Variants in IL1RAPL2 observed in about 807,000 individuals in gnomAD.
IL1RAPL2 encodes X-linked interleukin-1 receptor accessory protein-like 2.
In IL1RAPL2, 3 loss-of-function variants were observed where a neutral mutation model predicts 44.1. The observed-to-expected ratio is 0.07, with a 90% CI of 0.03 to 0.18. The LOEUF (loss-of-function observed/expected upper bound fraction) is 0.18, where lower values mean the gene tolerates loss of function less well. IL1RAPL2 is among the 10% of genes least tolerant of loss of function. IL1RAPL2 has a pLI of 1.00. For synonymous variants in IL1RAPL2, 181 were observed against 178.8 expected, an observed-to-expected ratio of 1.01 and a Z score of -0.10; for missense variants, 391 against 496.4, an observed-to-expected ratio of 0.79 and a Z score of 2.02.
At chrX:105,372,205 G>A (rs2035346417) in intron 5 of IL1RAPL2, among the ~76,000 whole-genome samples, 1 of 110,943 alleles carries the variant, frequency 9.0e-6, no homozygotes, top group South Asian at 3.8e-4. Flanking sequence ...GGAGGCCGAG[G>A]TGGGCAGATC....
chrX:104,900,564 G>A (rs1161403597), intron 2 of IL1RAPL2, among the ~76,000 whole-genome samples: 2 of 111,660 alleles, frequency 1.8e-5, no homozygotes, highest in Non-Finnish European at 3.8e-5. Context: ...TAGGTCAGCT[G>A]GAGGTTAGCT....
At chrX:105,538,779 T>C (rs1327370491) in intron 6 of IL1RAPL2, among the ~76,000 whole-genome samples, 1 of 111,550 alleles carries the variant, frequency 9.0e-6, no homozygotes, top group Non-Finnish European at 1.9e-5. Flanking sequence ...ATAATTTTAT[T>C]CCCAGAAAAC....
intron 2 of IL1RAPL2, among the ~76,000 whole-genome samples, chrX:104,675,097 C>T (rs1930717665): frequency 9.0e-6 from 1 of 111,121 alleles, no homozygotes; most frequent in African/African-American, 3.3e-5. Flanking sequence ...TCTCTATTTC[C>T]TTCAGTTCTG....
At chrX:105,062,738 A>G (rs905466088) in intron 2 of IL1RAPL2, among the ~76,000 whole-genome samples, 3 of 111,313 alleles carry the variant, frequency 2.7e-5, no homozygotes, top group Non-Finnish European at 3.8e-5. Flanking sequence ...TTCCTTCAGC[A>G]CTTTAAATAC....
At chrX:104,653,325 G>A (rs1243903532) in intron 1 of IL1RAPL2, among the ~76,000 whole-genome samples, 2 of 111,210 alleles carry the variant, frequency 1.8e-5, no homozygotes, top group Non-Finnish European at 3.8e-5. Flanking sequence ...CATTTTCCAT[G>A]TCTCTTGGGA....
chrX:105,517,366 A>G (rs188422387), intron 6 of IL1RAPL2, among the ~76,000 whole-genome samples: 15 of 111,800 alleles, frequency 1.3e-4, no homozygotes, highest in Non-Finnish European at 2.3e-4. Flanking sequence ...TGGTCCTGCT[A>G]GTATCTCTAG....
intron 2 of IL1RAPL2, among the ~76,000 whole-genome samples, chrX:104,882,905 G>A (rs777598308): frequency 9.8e-4 from 109 of 111,268 alleles, no homozygotes; most frequent in African/African-American, 3.0e-3. Context: ...AAACAACTCC[G>A]GACGCCCCAC....
chrX:104,844,182 G>T (rs2147637259), intron 2 of IL1RAPL2, among the ~76,000 whole-genome samples: 1 of 110,276 alleles, frequency 9.1e-6, no homozygotes, highest in South Asian at 3.9e-4. Context: ...TTTTCTGGAA[G>T]TTAAACCAAT....
intron 5 of IL1RAPL2, among the ~76,000 whole-genome samples, chrX:105,440,096 A>T (rs1237787816): frequency 8.9e-6 from 1 of 112,028 alleles, no homozygotes; most frequent in Non-Finnish European, 1.9e-5. Context: ...GTGAAGGGTT[A>T]TCCTCTTGGA....
chrX:104,962,459 G>A (rs749532858), intron 2 of IL1RAPL2, among the ~76,000 whole-genome samples: 6 of 111,760 alleles, frequency 5.4e-5, no homozygotes, highest in South Asian at 3.7e-4. Context: ...CCCTAAGTGC[G>A]GAGAATAGAA....
chrX:104,657,841 A>G (rs1402982770), intron 1 of IL1RAPL2, among the ~76,000 whole-genome samples: 2 of 112,547 alleles, frequency 1.8e-5, no homozygotes, highest in Non-Finnish European at 3.8e-5. Context: ...TAAGACATTT[A>G]TGCAGCCAAC....
At chrX:104,869,989 C>T (rs1293340813) in intron 2 of IL1RAPL2, among the ~76,000 whole-genome samples, 1 of 111,917 alleles carries the variant, frequency 8.9e-6, no homozygotes, top group Non-Finnish European at 1.9e-5. Context: ...TCCAAAAGAT[C>T]TCTTATATGT....
At chrX:105,416,807 C>T (rs1015484068) in intron 5 of IL1RAPL2, among the ~76,000 whole-genome samples, 2 of 111,823 alleles carry the variant, frequency 1.8e-5, no homozygotes, top group African/African-American at 3.3e-5. Context: ...AAGAGACTTG[C>T]GGGGTTAACA....
At chrX:104,837,401 A>G (rs754836456) in intron 2 of IL1RAPL2, among the ~76,000 whole-genome samples, 1 of 111,058 alleles carries the variant, frequency 9.0e-6, no homozygotes, top group Non-Finnish European at 1.9e-5. Flanking sequence ...TTGTTTCCTG[A>G]TTTTTAATGA....
chrX:105,491,331 T>A (rs1184900036), intron 6 of IL1RAPL2, among the ~76,000 whole-genome samples: 1 of 112,064 alleles, frequency 8.9e-6, no homozygotes, highest in East Asian at 2.8e-4. Context: ...GTAGAATTAT[T>A]GTTAATGCAA....
chrX:104,896,726 A>G (rs907727718), intron 2 of IL1RAPL2, among the ~76,000 whole-genome samples: 1 of 111,550 alleles, frequency 9.0e-6, no homozygotes, highest in Non-Finnish European at 1.9e-5. Context: ...GTCACCTTCC[A>G]TGCTGTGGAA....
chrX:105,051,414 C>T (rs1394348154), intron 2 of IL1RAPL2, among the ~76,000 whole-genome samples: 6 of 113,047 alleles, frequency 5.3e-5, no homozygotes, highest in African/African-American at 1.9e-4. Context: ...GGGGCTCCTG[C>T]TTGTCCCTGG....
intron 2 of IL1RAPL2, among the ~76,000 whole-genome samples, chrX:104,753,021 C>T (rs1932286147): frequency 9.1e-6 from 1 of 110,226 alleles, no homozygotes; most frequent in Non-Finnish European, 1.9e-5. Flanking sequence ...ATCCTAGATG[C>T]TTTTACTCTA....
intron 2 of IL1RAPL2, among the ~76,000 whole-genome samples, chrX:104,917,245 G>C (rs191621835): frequency 4.5e-4 from 50 of 111,632 alleles, no homozygotes; most frequent in African/African-American, 1.6e-3. Flanking sequence ...CTCAATTTCA[G>C]AGCCTGTTAG....
Sources: allele counts gnomAD v4.1 joint callset (sites outside exome capture counted in the v4.1 genomes callset), GRCh38; gene constraint gnomAD v4.1.1; transcripts MANE v1.5; gene names NCBI Gene and HGNC (gene_info 2026-07-23, HGNC 2026-07-21).